MYH6: variants seen among roughly 807,000 people sequenced by gnomAD.
MYH6 encodes the protein myosin heavy chain 6, also known as myosin-6.
In MYH6, 126 loss-of-function variants were observed where a neutral mutation model predicts 223.2. That is an observed-to-expected ratio of 0.56 (90% confidence interval 0.49 to 0.65). MYH6 has a LOEUF of 0.65. Among genes scored for constraint, MYH6 ranks in the 30% least tolerant of loss-of-function variants. MYH6 has a pLI of 0.00. For synonymous variants in MYH6, 978 were observed against 1,010.2 expected, an observed-to-expected ratio of 0.97 and a Z score of 0.61; for missense variants, 2,040 against 2,536.4, an observed-to-expected ratio of 0.80 and a Z score of 4.20.
intron 24 of MYH6, 109 bp from the exon 25 acceptor site, chr14:23,392,761 G>T (rs536170728): frequency 6.9e-7 from 1 of 1,456,618 alleles, no homozygotes; most frequent in Non-Finnish European, 9.6e-7. Flanking sequence ...CCCTCCCCTC[G>T]CCAGCCCAGA....
intron 9 of MYH6, 89 bp from the exon 10 acceptor site, chr14:23,403,535 C>A: frequency 2.4e-6 from 3 of 1,239,994 alleles, no homozygotes; most frequent in Non-Finnish European, 3.6e-6. Context: ...GGGCAGGGGG[C>A]ACCCACAGCT....
At chr14:23,402,284 T>C (rs551803573) in intron 12 of MYH6, among the ~76,000 whole-genome samples, 180 bp downstream of exon 12, 15 of 152,042 alleles carry the variant, frequency 9.9e-5, no homozygotes, top group African/African-American at 3.6e-4. Context: ...GCAGCTGGGG[T>C]TGAGGAGTTG....
In MYH6 at chr14:23,384,516, C is replaced by A. The variant is rs367834703; in HGVS notation, c.5491G>T (p.Glu1831Ter). The change falls in exon 36 of 39, where the codon GAG becomes TAG. Residue 1831 changes from glutamate to a stop codon, truncating the protein, a stop_gained. Transcript: ENST00000405093. LOFTEE classifies it high-confidence loss of function. ...ACCGACTCTGCGTTGCGCTTCTGCT[C>A]GGCCTCCAGCTCACCCTCCAGCTCC... The part of the protein sequence containing the change: ...VRELEGELEA[E>*]QKRNAESVKG... 2.5e-6 allele frequency: 4 copies of A among 1,613,272 alleles called. No homozygotes were observed. The highest frequency in any genetic ancestry group is 1.3e-5 in the African/African-American group (1 of 75,042).
chr14:23,385,275 T>C (rs866573195), intron 34 of MYH6, among the ~76,000 whole-genome samples: 3 of 151,898 alleles, frequency 2.0e-5, no homozygotes, highest in Admixed American at 1.3e-4. Flanking sequence ...TAGCAAAAGG[T>C]CTGCAGTATT....
chr14:23,393,976 G>A (rs1891318276), intron 21 of MYH6, 68 bp from the exon 22 acceptor site: 1 of 1,613,638 alleles, frequency 6.2e-7, no homozygotes, highest in African/African-American at 1.3e-5. Context: ...AAAAAGAGCT[G>A]GCACTCCTAG....
At chr14:23,383,940 C>T (rs552161909) in intron 36 of MYH6, among the ~76,000 whole-genome samples, 2 of 152,262 alleles carry the variant, frequency 1.3e-5, no homozygotes, top group East Asian at 3.9e-4. Context: ...GACTGACACC[C>T]TCGTCTCCTT....
Position 23,389,072 on chromosome 14 carries a change from G to GCCCCCC in MYH6, c.3979-18_3979-17insGGGGGG. 2.6e-6 allele frequency: 3 copies of GCCCCCC among 1,135,158 alleles called. No homozygotes were observed. Among genetic ancestry groups the GCCCCCC allele is most frequent in the Non-Finnish European group, 3.9e-6 (3 of 774,138 alleles). The allele number at this position is 1,135,158 out of a possible 1,614,324, so 70.3% of individuals were successfully genotyped here. A position where few individuals can be genotyped will look rare whatever the true frequency, so the allele number is the denominator to read the frequency against. ...GTTCTTCGCCTGGGGAGGGGGGGGG[G>GCCCCCC]CACCAGGAGGTGGGAGGGACTCCCT... On this transcript the variant is annotated splice_polypyrimidine_tract_variant and intron_variant, in intron 28 of 38. Transcript: ENST00000405093.
intron 32 of MYH6, among the ~76,000 whole-genome samples, chr14:23,387,299 A>G (rs890563469): frequency 6.6e-6 from 1 of 152,224 alleles, no homozygotes; most frequent in Non-Finnish European, 1.5e-5. Flanking sequence ...TCCAACTTTT[A>G]AAACCTGGTG....
intron 20 of MYH6, among the ~76,000 whole-genome samples, chr14:23,395,731 T>C (rs1478310763): frequency 6.6e-6 from 1 of 152,180 alleles, no homozygotes; most frequent in Non-Finnish European, 1.5e-5. Context: ...GGTTTCACCA[T>C]GTTAGCCAGG....
rs985894009 is a variant in MYH6, at chr14:23,389,019, G to T, written c.4015C>A (p.Arg1339=). 2.5e-6 allele frequency: 4 copies of T among 1,612,750 alleles called. No homozygotes were observed. In the East Asian group the frequency reaches 6.7e-5, roughly 27 times the overall value. The change falls in exon 29 of 39, where the codon CGG becomes AGG. Residue 1339 remains arginine (R), a synonymous_variant. Coordinates refer to ENST00000405093, the MANE Select transcript of MYH6 (RefSeq NM_002471.4). ...NALAHALQSA[R]HDCDLLREQY... Reference sequence around the variant, plus strand: ...TCCCGCAGCAGGTCGCAGTCATGCCGGGCCGACTGCAGTGCATGGGCCAGG... The same window carrying T: ...TCCCGCAGCAGGTCGCAGTCATGCCTGGCCGACTGCAGTGCATGGGCCAGG...
chr14:23,383,339 G>GGGGGGGGGGGCCCCCCCCCCCCCCC lies in MYH6; in HGVS notation c.5566-20_5566-19insGGGGGGGGGGGGGGGCCCCCCCCCC. 9.2e-6 allele frequency: 1 copy of GGGGGGGGGGGCCCCCCCCCCCCCCC among 108,200 alleles called. No individual in the cohort carries two copies. The highest frequency in any genetic ancestry group is 1.8e-5 in the Non-Finnish European group (1 of 54,382). The allele number at this position is 108,200 out of a possible 1,614,324, so 6.7% of individuals were successfully genotyped here. ...CCTCTGTCTGGGGGTGGGAGGGTGG[G>GGGGGGGGGGGCCCCCCCCCCCCCCC]AGAAGCTGGTTTGGAGGGGGAGCAA... is the stretch of plus-strand genomic sequence containing the variant. On this transcript the variant is annotated intron_variant, in intron 36 of 38. Transcript: ENST00000405093.
chr14:23,398,000 C>A (rs1231052831), intron 15 of MYH6, among the ~76,000 whole-genome samples: 1 of 141,196 alleles, frequency 7.1e-6, no homozygotes, highest in Non-Finnish European at 1.5e-5. Flanking sequence ...TCTTCTTCTT[C>A]TTCTTCTTCT....
chr14:23,383,115 G>A, intron 37 of MYH6, 110 bp downstream of exon 37: 1 of 1,026,534 alleles, frequency 9.7e-7, no homozygotes, highest in South Asian at 1.3e-5. Context: ...ATGTTTGAGA[G>A]TTAAAGTTTA....
In MYH6 at chr14:23,394,220, C is replaced by T. The variant is rs989813600; in HGVS notation, c.2533G>A (p.Ala845Thr). 2.7e-5 allele frequency: 44 copies of T among 1,614,094 alleles called. No homozygotes were observed. The highest frequency in any genetic ancestry group is 2.4e-4 in the East Asian group (11 of 44,900). ...GTGGCCATCTCCTTCTCCGTCTCTG[C>T]GCTCTTCAGCAGCGGCTTGATCTTG... ...YFKIKPLLKS[A>T]ETEKEMATMK... Residue 845 changes from alanine to threonine, a missense_variant, in exon 21 of 39, where the codon GCA becomes ACA. Physicochemically the swap from Ala to Thr is moderately conservative, Grantham distance 58. This residue lies in a region of MYH6 where 649 missense variants were observed against 877.3 expected (regional missense o/e 0.74). Coordinates refer to ENST00000405093, the MANE Select transcript of MYH6 (RefSeq NM_002471.4).
chr14:23,390,428 C>T lies in MYH6; in HGVS notation c.3361G>A (p.Glu1121Lys), dbSNP rs765073193. Residue 1121 changes from glutamate to lysine, a missense_variant, in exon 26 of 39, where the codon GAG (glutamate) becomes AAG (lysine). Transcript: ENST00000405093. ...GTGCGCTCGGCCTCCAGCTCCTCCTCCAGCTCCTCGATGCGTGCCTGGGTC... is the reference window on the plus strand; with the variant it reads ...GTGCGCTCGGCCTCCAGCTCCTCCTTCAGCTCCTCGATGCGTGCCTGGGTC... ...KENQARIEEL[E>K]EELEAERTAR... 6.2e-7 allele frequency: 1 copy of T among 1,612,586 alleles called. No individual in the cohort carries two copies. The highest frequency in any genetic ancestry group is 1.3e-5 in the African/African-American group (1 of 74,982).
In MYH6 at chr14:23,395,596, G is replaced by A. The variant is rs541227604; in HGVS notation, c.2429+688C>T. ...GGCTAGAGTGCAGTGGCTCGATCTTGGCTCACTGCAAGCTCTGCCTCCCGG... is the reference window on the plus strand; with the variant it reads ...GGCTAGAGTGCAGTGGCTCGATCTTAGCTCACTGCAAGCTCTGCCTCCCGG... On this transcript the variant is annotated intron_variant, in intron 20 of 38. Transcript: ENST00000405093. Among the ~76,000 whole-genome samples, 167 of 151,812 alleles carry A rather than the reference G, an allele frequency of 1.1e-3. 2 individuals are homozygous for A. The highest frequency in any genetic ancestry group is 3.8e-3 in the African/African-American group (158 of 41,392).
chr14:23,407,131 A>C lies in MYH6; in HGVS notation c.93T>G (p.Phe31Leu), dbSNP rs200657398. The C allele has an allele frequency of 6.2e-7, 1 of 1,614,230 alleles. No homozygotes were observed. Among genetic ancestry groups the C allele is most frequent in the Admixed American group, 1.7e-5 (1 of 60,020 alleles). ...KERLEAQTRP[F>L]DIRTECFVPD... Reference sequence around the variant, plus strand: ...GCACGAAGCACTCAGTGCGAATGTCAAAGGGCCGGGTCTGGGCCTCTAGAC... The same window carrying C: ...GCACGAAGCACTCAGTGCGAATGTCCAAGGGCCGGGTCTGGGCCTCTAGAC... Residue 31 changes from phenylalanine to leucine, a missense_variant, in exon 3 of 39, where the codon TTT becomes TTG. Physicochemically the swap from Phe to Leu is conservative, Grantham distance 22. Transcript: ENST00000405093. The surrounding 1 kb of genome is among the most constrained non-coding windows in gnomAD (Gnocchi z 5.6).
intron 25 of MYH6, among the ~76,000 whole-genome samples, chr14:23,391,010 C>T (rs1181097923): frequency 6.6e-6 from 1 of 152,236 alleles, no homozygotes; most frequent in African/African-American, 2.4e-5. Flanking sequence ...TGGGTTTCAA[C>T]ATGATTGCTC....
intron 14 of MYH6, chr14:23,399,917 T>C (rs1403415362): frequency 8.1e-6 from 3 of 371,426 alleles, no homozygotes; most frequent in Non-Finnish European, 1.0e-5. Context: ...AACAGGAAGG[T>C]GGTGGGAGGC....
Sources: gnomAD v4.1 joint callset for allele counts (sites outside exome capture counted in the v4.1 genomes callset) on GRCh38, gnomAD v4.1.1 for gene constraint, gnomAD v4.1.1 regional missense constraint, Gnocchi (gnomAD v3.1) non-coding constraint, MANE v1.5 for transcripts, NCBI Gene and HGNC (gene_info 2026-07-23, HGNC 2026-07-21) for gene names.